The following PRKAR1A variants were observed in gnomAD, a reference collection of about 807,000 sequenced individuals.
The protein encoded by PRKAR1A is protein kinase cAMP-dependent type I regulatory subunit alpha.
Under a neutral mutation model 52.0 loss-of-function variants are expected in PRKAR1A, and 3 were observed. That is an observed-to-expected ratio of 0.06 (90% CI 0.03 to 0.15). The LOEUF is 0.15. Among genes scored for constraint, PRKAR1A ranks in the 10% least tolerant of loss-of-function variants. The probability of loss-of-function intolerance (pLI) is 1.00; values close to 1 mark genes in which losing one functional copy is unlikely to be tolerated. For synonymous variants in PRKAR1A, 188 were observed against 168.4 expected, an observed-to-expected ratio of 1.12 and a Z score of -0.90; for missense variants, 240 against 477.4, an observed-to-expected ratio of 0.50 and a Z score of 4.63.
At chr17:68,509,820 G>A (rs1010291759), upstream of PRKAR1A, among the ~76,000 whole-genome samples, 6 of 152,110 alleles carry the variant, frequency 3.9e-5, no homozygotes, top group Non-Finnish European at 8.8e-5. Flanking sequence ...AGCATATGAG[G>A]ATTTGGCACC....
At chr17:68,538,867 T>A (rs926518876) in intron 11 of PRKAR1A, among the ~76,000 whole-genome samples, 5 of 152,220 alleles carry the variant, frequency 3.3e-5, no homozygotes, top group African/African-American at 9.6e-5. Flanking sequence ...GAAATTTTGA[T>A]AGTTGTAGTA....
chr17:68,455,985 A>C, the PRKAR1A span, among the ~76,000 whole-genome samples: 1 of 152,350 alleles, frequency 6.6e-6, no homozygotes, highest in Non-Finnish European at 1.5e-5. Flanking sequence ...CAGCATTTTT[A>C]TAAACTGCAG....
chr17:68,505,775 G>A, the PRKAR1A span, among the ~76,000 whole-genome samples: 3 of 152,114 alleles, frequency 2.0e-5, no homozygotes, highest in African/African-American at 4.8e-5. Context: ...GATTGAGATT[G>A]TGCCACTGCA....
chr17:68,523,993 A>T (rs924212140), intron 4 of PRKAR1A, 23 bp from the exon 5 acceptor site: 5 of 1,613,316 alleles, frequency 3.1e-6, no homozygotes, highest in Non-Finnish European at 4.2e-6. Flanking sequence ...GAAATGTAAC[A>T]CGAGGCCTTC....
chr17:68,444,538 T>G, the PRKAR1A span: 1 of 1,614,190 alleles, frequency 6.2e-7, no homozygotes, highest in South Asian at 1.1e-5. Context: ...AACAGCTTCA[T>G]GTCTTTAATG....
At position 68,517,342 on chromosome 17, in the gene PRKAR1A, C is replaced by T. The variant is rs564298050; in HGVS notation, c.177+1766C>T. 5.9e-5 allele frequency among the ~76,000 whole-genome samples: 9 copies of T among 152,180 alleles called. No homozygotes were observed. In the East Asian group the frequency reaches 7.7e-4, roughly 13 times the overall value. The stretch of plus-strand genomic sequence containing the variant: ...TAATTTGTATGTTAGTCTATTAGTC[C>T]GTTGTCATGCTGCTAATAAAGACAT... On this transcript the variant is annotated intron_variant, in intron 2 of 10. Transcript: ENST00000589228.
intron 2 of PRKAR1A, 137 bp from the exon 3 acceptor site, chr17:68,522,619 T>G: frequency 1.1e-6 from 1 of 910,670 alleles, no homozygotes; most frequent in Non-Finnish European, 1.7e-6. Context: ...CCCTTTGGAA[T>G]TGGTGTTTTC....
the PRKAR1A span, among the ~76,000 whole-genome samples, chr17:68,449,416 G>A: frequency 6.6e-6 from 1 of 152,196 alleles, no homozygotes; most frequent in South Asian, 2.1e-4. Flanking sequence ...CTTGAGCCCA[G>A]GAGTTTGAGA....
chr17:68,427,382 G>C, the PRKAR1A span: 45 of 708,806 alleles, frequency 6.3e-5, no homozygotes, highest in Admixed American at 1.1e-4. Flanking sequence ...TTTGAGGCAG[G>C]GTCTTGCTCT....
At chr17:68,537,380 C>T, downstream of PRKAR1A, 2 of 1,513,896 alleles carry the variant, frequency 1.3e-6, no homozygotes, top group Non-Finnish European at 1.8e-6. This position sits in a 1 kb window ranked among gnomAD's most constrained non-coding sequence, Gnocchi z 4.2. Context: ...TGACTTGACT[C>T]CCAGCAGTAA....
At chr17:68,429,544 A>G in the PRKAR1A span, among the ~76,000 whole-genome samples, 1 of 152,200 alleles carries the variant, frequency 6.6e-6, no homozygotes, top group African/African-American at 2.4e-5. Context: ...GAAGTCAGAT[A>G]GGAAAAGCAG....
chr17:68,463,864 T>C, the PRKAR1A span, among the ~76,000 whole-genome samples: 2 of 152,242 alleles, frequency 1.3e-5, no homozygotes, highest in Non-Finnish European at 2.9e-5. Context: ...CACAGACAGC[T>C]GTGTTGAAAA....
chr17:68,450,945 G>A, the PRKAR1A span: 6 of 1,575,460 alleles, frequency 3.8e-6, no homozygotes, highest in Non-Finnish European at 5.2e-6. Context: ...TCACTTCCAA[G>A]AAGGATTCCA....
intron 11 of PRKAR1A, chr17:68,539,980 G>A: frequency 1.2e-6 from 2 of 1,613,518 alleles, no homozygotes; most frequent in Non-Finnish European, 1.7e-6. Context: ...TGAAGGAGGG[G>A]AGGACTTAGC....
At chr17:68,470,029 A>G in the PRKAR1A span, among the ~76,000 whole-genome samples, 34 of 150,058 alleles carry the variant, frequency 2.3e-4, no homozygotes, top group African/African-American at 8.4e-4. Context: ...CCTTTGAAAA[A>G]CCCCTCTGTG....
chr17:68,535,280 A>C (rs751846642), downstream of PRKAR1A: 3 of 454,114 alleles, frequency 6.6e-6, no homozygotes, highest in South Asian at 4.7e-5. Context: ...AGATAAGTGA[A>C]TAATAAGGTA....
At chr17:68,500,427 C>T in the PRKAR1A span, among the ~76,000 whole-genome samples, 17 of 152,262 alleles carry the variant, frequency 1.1e-4, 1 homozygote, top group Middle Eastern at 3.4e-3. Flanking sequence ...TTTTGCCTTC[C>T]GCCATGATTG....
At chr17:68,431,674 G>T in the PRKAR1A span, among the ~76,000 whole-genome samples, 2 of 14,656 alleles carry the variant, frequency 1.4e-4, no homozygotes, top group South Asian at 4.1e-3. Context: ...CCAGCACGAG[G>T]TGCTAAAGAC....
the PRKAR1A span, among the ~76,000 whole-genome samples, chr17:68,498,147 C>A: frequency 6.6e-6 from 1 of 152,086 alleles, no homozygotes; most frequent in African/African-American, 2.4e-5. Context: ...AGCAAAGGGC[C>A]ACAAGTTTTC....
Sources: allele counts gnomAD v4.1 joint callset (sites outside exome capture counted in the v4.1 genomes callset), GRCh38; gene constraint gnomAD v4.1.1; non-coding constraint Gnocchi (gnomAD v3.1); transcripts MANE v1.5; gene names NCBI Gene and HGNC (gene_info 2026-07-23, HGNC 2026-07-21).